CSE1L: variants seen among roughly 807,000 people sequenced by gnomAD.
The protein encoded by CSE1L is exportin-2.
CSE1L carries 24 observed loss-of-function variants against 120.4 expected under a neutral mutation model. The observed-to-expected ratio is 0.20, with a 90% CI of 0.14 to 0.28. The LOEUF (loss-of-function observed/expected upper bound fraction) is 0.28, where lower values mean the gene tolerates loss of function less well. Among genes scored for constraint, CSE1L ranks in the 10% least tolerant of loss-of-function variants. The pLI is 1.00. For missense variants in CSE1L, 830 were observed against 1,145.2 expected, an observed-to-expected ratio of 0.72 and a Z score of 3.97; for synonymous variants, 402 against 398.3, an observed-to-expected ratio of 1.01 and a Z score of -0.11.
chr20:49,057,162 C>CA (rs1192195155), intron 1 of CSE1L, among the ~76,000 whole-genome samples: 17 of 151,964 alleles, frequency 1.1e-4, no homozygotes, highest in Non-Finnish European at 2.4e-4. Flanking sequence ...CCTGTCTCTA[C>CA]AAAATTTTTT....
rs1479806746 is a variant in CSE1L, at chr20:49,075,511, A to G, written c.1326A>G (p.Gln442=). The stretch of plus-strand genomic sequence containing the variant: ...TGACATCTTTGGCATCAAAAGCCCA[A>G]ACACAGAAGGTAAATATTTTTAATG... ...YLVTSLASKA[Q]TQKHGITQAN... The change falls in exon 12 of 25, where the codon CAA becomes CAG. Residue 442 remains glutamine, a synonymous_variant. Transcript: ENST00000262982. The G allele has an allele frequency of 1.9e-6, 3 of 1,613,732 alleles. No individual in the cohort carries two copies. The highest frequency in any genetic ancestry group is 2.5e-6 in the Non-Finnish European group (3 of 1,179,772).
intron 6 of CSE1L, among the ~76,000 whole-genome samples, chr20:49,068,148 A>T (rs1401233718): frequency 6.6e-6 from 1 of 151,996 alleles, no homozygotes; most frequent in African/African-American, 2.4e-5. Context: ...GCATATAAAG[A>T]TAGTTTTGTG....
rs904426715 is a variant in CSE1L, at chr20:49,066,059, A to G, written c.229-133A>G. On this transcript the variant is annotated intron_variant, in intron 3 of 24. Transcript: ENST00000262982. ...ACCCATTCATGTAGAGGGAAACTGA[A>G]GAAAGACCAAACCTTCCTCTATTTG... The G allele has an allele frequency of 5.5e-6, 4 of 723,482 alleles. No individual in the cohort carries two copies. The African/African-American group carries it at 7.1e-5, about 13-fold the overall frequency. 44.8% of individuals were successfully genotyped at this position (723,482 alleles called of 1,614,324 possible).
At chr20:49,049,826 C>G (rs997293934) in intron 1 of CSE1L, among the ~76,000 whole-genome samples, 9 of 152,240 alleles carry the variant, frequency 5.9e-5, no homozygotes, top group African/African-American at 2.2e-4. Flanking sequence ...CTCAGGAGTT[C>G]CAGACCAGCC....
At chr20:49,062,643 G>A (rs1417431258) in intron 2 of CSE1L, among the ~76,000 whole-genome samples, 2 of 152,002 alleles carry the variant, frequency 1.3e-5, no homozygotes, top group African/African-American at 4.8e-5. Context: ...TCTTGAACAA[G>A]TTACTTAACC....
chr20:49,077,606 T>C, intron 13 of CSE1L, among the ~76,000 whole-genome samples: 1 of 152,230 alleles, frequency 6.6e-6, no homozygotes, highest in East Asian at 1.9e-4. Flanking sequence ...TGCTACCTAG[T>C]GTATAAATAA....
At chr20:49,049,608 G>GATAATTATGA (rs1453051640) in intron 1 of CSE1L, among the ~76,000 whole-genome samples, 3 of 152,114 alleles carry the variant, frequency 2.0e-5, no homozygotes, top group Admixed American at 2.0e-4. Flanking sequence ...ATTAGAGCTT[G>GATAATTATGA]ATCTTGTTGA....
chr20:49,067,773 G>T (rs1334985008), intron 6 of CSE1L, among the ~76,000 whole-genome samples: 1 of 150,980 alleles, frequency 6.6e-6, no homozygotes, highest in Non-Finnish European at 1.5e-5. Context: ...CACTCTCATT[G>T]CCCAGGCTGG....
intron 3 of CSE1L, among the ~76,000 whole-genome samples, chr20:49,065,311 AAATTTTTTT>A (rs1337860330): frequency 1.3e-4 from 9 of 66,928 alleles, no homozygotes; most frequent in African/African-American, 3.4e-4. Flanking sequence ...AATGAAAAAA[AAATTTTTTT>A]TTTTTTTTTT....
In CSE1L at chr20:49,089,250, C is replaced by T; in HGVS notation, c.1825C>T (p.Pro609Ser). 1.3e-6 allele frequency: 2 copies of T among 1,565,316 alleles called. No individual in the cohort carries two copies. The highest frequency in any genetic ancestry group is 1.2e-5 in the South Asian group (1 of 82,428). Residue 609 changes from proline (P) to serine (S), a missense_variant, in exon 18 of 25, where the codon CCA (proline) becomes TCA (serine). By Grantham distance (74) the Pro-to-Ser change is moderately conservative (BLOSUM62 -1). This residue lies in a region of CSE1L where 168 missense variants were observed against 267.9 expected (regional missense o/e 0.63). Coordinates refer to ENST00000262982, the MANE Select transcript of CSE1L (RefSeq NM_001316.4). Reference sequence around the variant, plus strand: ...GGTTTTTTTTTTTTAATTTCAGAACCCAAGCAAACCTCACTTTAATCACTA... The same window carrying T: ...GGTTTTTTTTTTTTAATTTCAGAACTCAAGCAAACCTCACTTTAATCACTA... ...TQKLLAVSKNPSKPHFNHYMF... is the reference protein window; with the variant it reads ...TQKLLAVSKNSSKPHFNHYMF...
At chr20:49,076,774 A>G (rs983520719) in intron 12 of CSE1L, among the ~76,000 whole-genome samples, 1 of 151,226 alleles carries the variant, frequency 6.6e-6, no homozygotes, top group South Asian at 2.1e-4. Context: ...CAAGTGATCT[A>G]CCCGCCTCGG....
At chr20:49,084,284 T>TA in intron 15 of CSE1L, 122 bp downstream of exon 15, 1 of 1,013,698 alleles carries the variant, frequency 9.9e-7, no homozygotes, top group Non-Finnish European at 1.4e-6. Context: ...TCTATTCCTT[T>TA]ATACTCTGTT....
chr20:49,071,691 G>C (rs1227004750), intron 8 of CSE1L, among the ~76,000 whole-genome samples: 1 of 151,982 alleles, frequency 6.6e-6, no homozygotes, highest in African/African-American at 2.4e-5. Flanking sequence ...GCCCAGGCTA[G>C]ACTCAAAACT....
intron 1 of CSE1L, among the ~76,000 whole-genome samples, chr20:49,049,220 T>C (rs2123635345): frequency 6.6e-6 from 1 of 152,268 alleles, no homozygotes; most frequent in Admixed American, 6.5e-5. Context: ...AATTCTTATC[T>C]TCTCCCTCCC....
chr20:49,094,316 G>C (rs753990407), intron 23 of CSE1L, 30 bp downstream of exon 23: 1 of 1,597,142 alleles, frequency 6.3e-7, no homozygotes, highest in Non-Finnish European at 8.5e-7. Context: ...ATTTTTGTAA[G>C]TTACAGCTTC....
At chr20:49,072,200 A>G (rs1194787673) in intron 8 of CSE1L, 86 bp from the exon 9 acceptor site, 3 of 1,356,074 alleles carry the variant, frequency 2.2e-6, no homozygotes, top group Non-Finnish European at 2.0e-6. Flanking sequence ...ATTGATAAAG[A>G]GTCTAGTTCA....
rs1315338562 is a variant in CSE1L, at chr20:49,089,610, A to T, written c.2045A>T (p.Tyr682Phe). 1 of 1,614,122 alleles carries T rather than the reference A, an allele frequency of 6.2e-7. No homozygotes were observed. The highest frequency in any genetic ancestry group is 8.5e-7 in the Non-Finnish European group (1 of 1,180,022). Residue 682 changes from tyrosine to phenylalanine, a missense_variant, in exon 19 of 25, where the codon TAT becomes TTT. Physicochemically the swap from Tyr to Phe is conservative, Grantham distance 22 (BLOSUM62 3). Coordinates refer to ENST00000262982, the MANE Select transcript of CSE1L (RefSeq NM_001316.4). Reference protein sequence around the residue: ...ETHKNDIPSSYMALFPHLLQP... With the variant: ...ETHKNDIPSSFMALFPHLLQP... Reference sequence around the variant, plus strand: ...CACAAAAATGACATCCCGTCTTCCTATATGGCCTTATTTCCTCATCTCCTT... The same window carrying T: ...CACAAAAATGACATCCCGTCTTCCTTTATGGCCTTATTTCCTCATCTCCTT...
rs372553966 is a variant in CSE1L at position 49,089,408 on chromosome 20, G to A, written c.1972+11G>A. ...AAAATGATGTGCAAGGTAAGTTAAC[G>A]GAAATTATTTTCTTTGTAATGGAAT... On this transcript the variant is annotated intron_variant, in intron 18 of 24. Coordinates refer to ENST00000262982, the MANE Select transcript of CSE1L (RefSeq NM_001316.4). 5.4e-5 allele frequency: 87 copies of A among 1,606,568 alleles called. No homozygotes were observed. The highest frequency in any genetic ancestry group is 2.2e-4 in the East Asian group (10 of 44,852).
At position 49,076,968 on chromosome 20, in the gene CSE1L, T is replaced by C. The variant is rs1374278815; in HGVS notation, c.1336-12T>C. Reference sequence around the variant, plus strand: ...TTTTGTTATTTTACTATGTTATGAATTTGCTTTTCAGCATGGAATTACACA... The same window carrying C: ...TTTTGTTATTTTACTATGTTATGAACTTGCTTTTCAGCATGGAATTACACA... On this transcript the variant is annotated splice_polypyrimidine_tract_variant and intron_variant, in intron 12 of 24. Transcript: ENST00000262982. 1 of 1,567,760 alleles carries C rather than the reference T, an allele frequency of 6.4e-7. No homozygotes were observed. Among genetic ancestry groups the C allele is most frequent in the Non-Finnish European group, 8.7e-7 (1 of 1,153,462 alleles).
Sources: allele counts gnomAD v4.1 joint callset (sites outside exome capture counted in the v4.1 genomes callset), GRCh38; gene constraint gnomAD v4.1.1; regional missense constraint gnomAD v4.1.1; transcripts MANE v1.5; gene names NCBI Gene and HGNC (gene_info 2026-07-23, HGNC 2026-07-21).